The following ACOT9 variants were observed in gnomAD, a reference collection of about 807,000 sequenced individuals.
The protein encoded by ACOT9 is acyl-coenzyme A thioesterase 9, mitochondrial.
A neutral mutation model predicts 39.7 loss-of-function variants in ACOT9; 34 were observed. That is an observed-to-expected ratio of 0.86 (90% CI 0.65 to 1.14). The LOEUF is 1.14. ACOT9 is among the 50% of genes most tolerant of loss of function. The pLI, the probability that ACOT9 is intolerant of heterozygous loss-of-function variation, is 0.00. For missense variants in ACOT9, 313 were observed against 344.1 expected (o/e 0.91, Z 0.71); for synonymous variants, 110 against 120.5 (o/e 0.91, Z 0.57).
Position 23,723,182 on chromosome X carries a change from G to C in ACOT9, c.401-429C>G, listed in dbSNP as rs369018008. Among the ~76,000 whole-genome samples the C allele has an allele frequency of 8.1e-5, 9 of 111,771 alleles. No individual in the cohort carries two copies. The East Asian group carries it at 2.3e-3, about 28-fold the overall frequency. On this transcript the variant is annotated intron_variant, in intron 6 of 15. Transcript: ENST00000379303. ...AATCATGAAACAATTATTTCACTCA[G>C]TTATCCCTCCTTCCCCATAACACCC... is the stretch of plus-strand genomic sequence containing the variant.
chrX:23,733,978 C>G (rs757784056), intron 3 of ACOT9, among the ~76,000 whole-genome samples: 76 of 111,664 alleles, frequency 6.8e-4, no homozygotes, highest in African/African-American at 2.3e-3. Context: ...TCAGGCTGGT[C>G]TTGAACTCCT....
At chrX:23,734,249 G>T (rs1929857962) in intron 3 of ACOT9, 92 bp downstream of exon 3, 2 of 775,823 alleles carry the variant, frequency 2.6e-6, no homozygotes, top group Admixed American at 6.4e-5. Flanking sequence ...TGCAATTTTA[G>T]TTAATGCCAC....
rs1225499513 is a variant in ACOT9, at chrX:23,743,133, T to C, written c.12A>G (p.Ala4=). 5 of 1,161,465 alleles carry C rather than the reference T, an allele frequency of 4.3e-6. No individual in the cohort carries two copies. In the South Asian group the frequency reaches 9.7e-5, roughly 22 times the overall value. MRR[A]ALRLCALGKG... is the part of the protein sequence containing the mutation. ...CACGCCCCGCCACCTACCGCAGTGC[T>C]GCCCGCCTCATTGCGCTAGGCTGCC... The change falls in exon 1 of 16, where the codon GCA becomes GCG. Residue 4 remains alanine, a synonymous_variant. Transcript: ENST00000379303.
chrX:23,707,691 G>A (rs1463941884), intron 10 of ACOT9, 186 bp downstream of exon 10: 3 of 308,288 alleles, frequency 9.7e-6, no homozygotes, highest in Non-Finnish European at 1.7e-5. Context: ...GAGCCGAGAT[G>A]GCACCACTGC....
intron 9 of ACOT9, among the ~76,000 whole-genome samples, chrX:23,709,685 C>T (rs1928826947): frequency 8.9e-6 from 1 of 111,874 alleles, no homozygotes; most frequent in South Asian, 3.7e-4. Context: ...GTTTCTAATA[C>T]AAATGAGATT....
At chrX:23,722,379 C>G (rs765632758) in intron 7 of ACOT9, among the ~76,000 whole-genome samples, 35 of 111,022 alleles carry the variant, frequency 3.2e-4, no homozygotes, top group Admixed American at 3.9e-4. Flanking sequence ...GCCTGGCCGA[C>G]ATGGTGTAAT....
intron 8 of ACOT9, among the ~76,000 whole-genome samples, chrX:23,719,247 G>A (rs918965494): frequency 2.7e-5 from 3 of 112,059 alleles, no homozygotes; most frequent in African/African-American, 9.7e-5. Context: ...TCCAGCCTGG[G>A]AGACAGAGTG....
chrX:23,730,730 C>T (rs930555827), intron 5 of ACOT9, 86 bp downstream of exon 5: 13 of 1,021,845 alleles, frequency 1.3e-5, no homozygotes, highest in Middle Eastern at 3.6e-4. Flanking sequence ...TTTAAACAGG[C>T]GAATTGTATG....
At chrX:23,716,878 C>T (rs771046764) in intron 8 of ACOT9, among the ~76,000 whole-genome samples, 3 of 108,774 alleles carry the variant, frequency 2.8e-5, no homozygotes, top group Non-Finnish European at 3.8e-5. Flanking sequence ...TTTTTGAGAC[C>T]GAGTCTCACT....
intron 9 of ACOT9, among the ~76,000 whole-genome samples, chrX:23,709,275 C>T (rs935733052): frequency 9.0e-5 from 10 of 111,437 alleles, no homozygotes; most frequent in African/African-American, 3.3e-4. Context: ...TGCCTGTAAT[C>T]CCAGCTACTC....
intron 9 of ACOT9, among the ~76,000 whole-genome samples, chrX:23,708,187 T>C: frequency 8.9e-6 from 1 of 112,408 alleles, no homozygotes; most frequent in Middle Eastern, 4.6e-3. Context: ...AACCTGATTC[T>C]AATCATGAGG....
At chrX:23,740,717 T>TACATACACAC (rs1386354861) in intron 1 of ACOT9, among the ~76,000 whole-genome samples, 1 of 92,063 alleles carries the variant, frequency 1.1e-5, no homozygotes, top group Non-Finnish European at 2.2e-5. Flanking sequence ...CCCCAATACA[T>TACATACACAC]ACACACACAC....
chrX:23,709,107 A>T (rs1293578025), intron 9 of ACOT9, among the ~76,000 whole-genome samples: 2 of 112,005 alleles, frequency 1.8e-5, no homozygotes, highest in Non-Finnish European at 1.9e-5. Context: ...AAAGAATTAA[A>T]ACAGGCCGGG....
At chrX:23,734,393 T>C (rs778781685) in intron 2 of ACOT9, 26 bp from the exon 3 acceptor site, 31 of 1,132,190 alleles carry the variant, frequency 2.7e-5, no homozygotes, top group Non-Finnish European at 3.7e-5. Context: ...GAAAATCAAT[T>C]AGAGAACCAG....
Position 23,706,727 on chromosome X carries a change from C to G in ACOT9, c.743G>C (p.Arg248Thr). 8.4e-7 allele frequency: 1 copy of G among 1,190,632 alleles called. No individual in the cohort carries two copies. The highest frequency in any genetic ancestry group is 1.1e-6 in the Non-Finnish European group (1 of 879,315). Reference sequence around the variant, plus strand: ...CGACGTGGAGCTGAAGGCAATTCTTCTCCCCTTGTTCACTGGAACAAGGGA... The same window carrying G: ...CGACGTGGAGCTGAAGGCAATTCTTGTCCCCTTGTTCACTGGAACAAGGGA... The part of the protein sequence containing the change: ...LFRQGELNKG[R>T]RIAFSSTSLL... Residue 248 changes from arginine (R) to threonine (T), a missense_variant, in exon 11 of 16, where the codon AGA becomes ACA. Coordinates refer to ENST00000379303, the MANE Select transcript of ACOT9 (RefSeq NM_001037171.2).
chrX:23,708,992 TACTTTTCTGTAAGCATCAA>T (rs1395466732), intron 9 of ACOT9, among the ~76,000 whole-genome samples: 1 of 112,424 alleles, frequency 8.9e-6, no homozygotes, highest in Non-Finnish European at 1.9e-5. Flanking sequence ...TTATTCTATC[TACTTTTCTGTAAGCATCAA>T]ATTTTTTGAA....
intron 6 of ACOT9, among the ~76,000 whole-genome samples, chrX:23,727,816 T>G (rs1929588950): frequency 9.5e-6 from 1 of 105,319 alleles, no homozygotes; most frequent in South Asian, 4.4e-4. Context: ...CTGGCCAACA[T>G]GGTGAAACCC....
intron 4 of ACOT9, among the ~76,000 whole-genome samples, chrX:23,731,205 G>C (rs1260514619): frequency 1.8e-5 from 2 of 112,375 alleles, no homozygotes; most frequent in Non-Finnish European, 3.7e-5. Context: ...GCCAGGTGCA[G>C]TGTCTCACGC....
intron 1 of ACOT9, among the ~76,000 whole-genome samples, chrX:23,737,169 C>T (rs960665165): frequency 7.2e-5 from 8 of 110,636 alleles, no homozygotes; most frequent in African/African-American, 1.3e-4. Flanking sequence ...AAAAATTAGC[C>T]GGGTGTGGTG....
Sources: gnomAD v4.1 joint callset for allele counts (sites outside exome capture counted in the v4.1 genomes callset) on GRCh38, gnomAD v4.1.1 for gene constraint, MANE v1.5 for transcripts, NCBI Gene and HGNC (gene_info 2026-07-23, HGNC 2026-07-21) for gene names.